C17orf114: variants seen among roughly 807,000 people sequenced by gnomAD.
C17orf114 encodes chromosome 17 open reading frame 114.
exon 2 of C17orf114, chr17:4,801,278 C>T (rs1178899857): frequency 1.0e-5 from 4 of 398,582 alleles, no homozygotes; most frequent in African/African-American, 4.1e-5. Context: ...TTCACCTCCT[C>T]GTCGTCCCCT....
At chr17:4,805,919 C>G (rs1905744928), upstream of C17orf114, among the ~76,000 whole-genome samples, 1 of 151,838 alleles carries the variant, frequency 6.6e-6, no homozygotes, top group African/African-American at 2.4e-5. Context: ...CGCCACTGCA[C>G]TCCAGCCTGG....
At chr17:4,802,113 T>A (rs1012474841) in intron 1 of C17orf114, 134 bp downstream of exon 1, 8 of 395,922 alleles carry the variant, frequency 2.0e-5, no homozygotes. Context: ...CTGTGAGGAC[T>A]TCGGTGATCC....
upstream of C17orf114, among the ~76,000 whole-genome samples, chr17:4,805,635 C>T (rs1455297623): frequency 6.6e-6 from 1 of 151,274 alleles, no homozygotes; most frequent in African/African-American, 2.4e-5. Context: ...GATCACGCCA[C>T]TGCAGTCCAG....
upstream of C17orf114, among the ~76,000 whole-genome samples, chr17:4,802,875 T>C (rs1265526551): frequency 6.6e-6 from 1 of 152,164 alleles, no homozygotes; most frequent in African/African-American, 2.4e-5. Context: ...GTCAGGTAAA[T>C]GCTAGAGACT....
At chr17:4,805,782 T>G (rs1905722286), upstream of C17orf114, among the ~76,000 whole-genome samples, 1 of 152,016 alleles carries the variant, frequency 6.6e-6, no homozygotes, top group Non-Finnish European at 1.5e-5. Context: ...AGACCCCGTT[T>G]CTACTAAAAA....
At chr17:4,804,632 C>T (rs1174216429), upstream of C17orf114, among the ~76,000 whole-genome samples, 1 of 148,404 alleles carries the variant, frequency 6.7e-6, no homozygotes, top group Non-Finnish European at 1.5e-5. Flanking sequence ...GACAGTCTCA[C>T]TCTGTCACCA....
At chr17:4,801,301 G>A in exon 2 of C17orf114, 1 of 398,744 alleles carries the variant, frequency 2.5e-6, no homozygotes, top group Non-Finnish European at 4.4e-6. Flanking sequence ...AAATGGTGGA[G>A]TCATTGGCCG....
chr17:4,803,416 A>ATTTT (rs34116712), upstream of C17orf114, among the ~76,000 whole-genome samples: 32 of 75,450 alleles, frequency 4.2e-4, 1 homozygote, highest in Admixed American at 6.7e-4. Context: ...GTTTTTTTTA[A>ATTTT]TTTTTTTTTT....
chr17:4,803,416 A>ATTT (rs34116712), upstream of C17orf114, among the ~76,000 whole-genome samples: 125 of 75,464 alleles, frequency 1.7e-3, 1 homozygote, highest in South Asian at 5.3e-3. Context: ...GTTTTTTTTA[A>ATTT]TTTTTTTTTT....
At chr17:4,804,646 C>T (rs1455491151), upstream of C17orf114, among the ~76,000 whole-genome samples, 2 of 149,576 alleles carry the variant, frequency 1.3e-5, no homozygotes, top group South Asian at 2.1e-4. Flanking sequence ...GTCACCAGGC[C>T]GGAGTGTAGT....
chr17:4,801,226 T>C (rs1428562375), exon 2 of C17orf114: 3 of 398,458 alleles, frequency 7.5e-6, no homozygotes, highest in Non-Finnish European at 1.3e-5. Context: ...TTAGGATCGC[T>C]GAGAAATCTG....
chr17:4,803,714 C>A (rs1905572979), upstream of C17orf114, among the ~76,000 whole-genome samples: 1 of 151,854 alleles, frequency 6.6e-6, no homozygotes. Context: ...GCATGAGACA[C>A]AGCACCCGGC....
upstream of C17orf114, among the ~76,000 whole-genome samples, chr17:4,803,208 C>T (rs368759222): frequency 3.3e-5 from 5 of 151,604 alleles, no homozygotes; most frequent in South Asian, 8.3e-4. Context: ...TGTGAGCCAC[C>T]GCACCCGGCC....
exon 1 of C17orf114, chr17:4,802,261 G>T: frequency 2.5e-6 from 1 of 399,738 alleles, no homozygotes; most frequent in Non-Finnish European, 4.4e-6. Context: ...TCCTCTTTCA[G>T]TCCCCCGCTG....
upstream of C17orf114, among the ~76,000 whole-genome samples, chr17:4,805,329 T>C (rs553585375): frequency 7.3e-5 from 11 of 151,312 alleles, no homozygotes; most frequent in Non-Finnish European, 8.8e-5. Flanking sequence ...CTCAGGAGGC[T>C]GAGGCAGGAG....
chr17:4,804,297 C>T (rs951723445), upstream of C17orf114, among the ~76,000 whole-genome samples: 51 of 150,816 alleles, frequency 3.4e-4, no homozygotes, highest in Non-Finnish European at 3.0e-5. Flanking sequence ...CTCCGCCTCC[C>T]GGGTTCACGC....
upstream of C17orf114, among the ~76,000 whole-genome samples, chr17:4,802,603 G>A (rs150828132): frequency 5.9e-3 from 902 of 152,290 alleles, 7 homozygotes; most frequent in Non-Finnish European, 0.01. Flanking sequence ...AGGGACAGAC[G>A]CAGAGGTGCT....
In C17orf114 at chr17:4,801,868, C is replaced by T. The variant is rs183180851; in HGVS notation, c.73+379G>A. ...GCCTCAGCCTCCCGAGTAGCTGGGA[C>T]TACAGGCGCCCGCCACCACACCCGG... is the stretch of plus-strand genomic sequence containing the variant. On this transcript the variant is annotated intron_variant, in intron 1 of 1. Coordinates refer to ENST00000635921, the Ensembl canonical transcript of C17orf114. 4.3e-3 allele frequency among the ~76,000 whole-genome samples: 646 copies of T among 151,912 alleles called. 4 individuals are homozygous for T. The highest frequency in any genetic ancestry group is 0.015 in the African/African-American group (614 of 41,402).
chr17:4,801,342 A>T, exon 2 of C17orf114: 1 of 398,794 alleles, frequency 2.5e-6, no homozygotes, highest in Non-Finnish European at 4.4e-6. Flanking sequence ...TGGCGGAAGG[A>T]GAGTCGGGCT....
Sources: gnomAD v4.1 joint callset for allele counts (sites outside exome capture counted in the v4.1 genomes callset) on GRCh38, gnomAD v4.1.1 for gene constraint, MANE v1.5 for transcripts, NCBI Gene and HGNC (gene_info 2026-07-23, HGNC 2026-07-21) for gene names.